Variants in ZNF385D observed in about 807,000 individuals in gnomAD.
ZNF385D encodes zinc finger protein 659.
In ZNF385D, 15 loss-of-function variants were observed where a neutral mutation model predicts 35.8. That is an observed-to-expected ratio of 0.42 (90% CI 0.28 to 0.64). The LOEUF (loss-of-function observed/expected upper bound fraction) is 0.64. Among genes scored for constraint, ZNF385D ranks in the 30% least tolerant of loss-of-function variants. The pLI, the probability that ZNF385D is intolerant of heterozygous loss-of-function variation, is 0.23. For synonymous variants in ZNF385D, 212 were observed against 186.8 expected, an observed-to-expected ratio of 1.13 and a Z score of -1.10; for missense variants, 474 against 494.6, an observed-to-expected ratio of 0.96 and a Z score of 0.39.
chr3:22,227,087 G>A (rs980632986), intron 2 of ZNF385D, among the ~76,000 whole-genome samples: 1 of 151,864 alleles, frequency 6.6e-6, no homozygotes. Context: ...ATCAGATAAG[G>A]TGTCCAGCTA....
chr3:22,204,988 A>AAC (rs1435949061), intron 2 of ZNF385D, among the ~76,000 whole-genome samples: 1 of 151,584 alleles, frequency 6.6e-6, no homozygotes, highest in Non-Finnish European at 1.5e-5. Flanking sequence ...CCAAAAAAAA[A>AAC]AAAAAAAAAA....
At chr3:22,312,623 A>G (rs1559513323) in intron 2 of ZNF385D, among the ~76,000 whole-genome samples, 2 of 152,208 alleles carry the variant, frequency 1.3e-5, no homozygotes, top group Admixed American at 6.5e-5. Context: ...AAAAGAAGAC[A>G]TTTACGGAGC....
chr3:21,784,438 T>C (rs1575644144), intron 3 of ZNF385D, among the ~76,000 whole-genome samples: 1 of 152,144 alleles, frequency 6.6e-6, no homozygotes, highest in African/African-American at 2.4e-5. Flanking sequence ...AATATATAGA[T>C]TTCAGATAAA....
chr3:21,769,638 T>C (rs1279386427), intron 3 of ZNF385D, among the ~76,000 whole-genome samples: 2 of 120,976 alleles, frequency 1.7e-5, no homozygotes, highest in African/African-American at 6.9e-5. Flanking sequence ...GAAGAATCAA[T>C]ATCATGAAAA....
intron 1 of ZNF385D, among the ~76,000 whole-genome samples, chr3:21,713,715 T>C (rs1003028335): frequency 2.6e-5 from 4 of 152,186 alleles, no homozygotes; most frequent in African/African-American, 9.7e-5. Flanking sequence ...ATCTGATCCT[T>C]AGCCTCCTCT....
intron 2 of ZNF385D, among the ~76,000 whole-genome samples, chr3:22,183,976 A>G (rs1206431616): frequency 1.3e-5 from 2 of 152,160 alleles, no homozygotes; most frequent in African/African-American, 4.8e-5. Context: ...GTAGGGTACA[A>G]AACTATGAGT....
At chr3:21,950,589 G>A (rs1442156364) in intron 3 of ZNF385D, among the ~76,000 whole-genome samples, 1 of 151,682 alleles carries the variant, frequency 6.6e-6, no homozygotes, top group African/African-American at 2.4e-5. Flanking sequence ...TGTTGCCATT[G>A]CTCTTGGTGT....
chr3:21,848,264 G>C (rs1255142411), intron 3 of ZNF385D, among the ~76,000 whole-genome samples: 1 of 151,814 alleles, frequency 6.6e-6, no homozygotes, highest in East Asian at 1.9e-4. Context: ...GAAAACTTAG[G>C]TTGTTTCCAC....
chr3:22,091,372 C>T (rs1339122762), intron 3 of ZNF385D, among the ~76,000 whole-genome samples: 1 of 152,114 alleles, frequency 6.6e-6, no homozygotes, highest in African/African-American at 2.4e-5. Flanking sequence ...GGATGGATTC[C>T]CTGATTTCAA....
At chr3:22,050,575 T>C (rs919151851) in intron 3 of ZNF385D, among the ~76,000 whole-genome samples, 37 of 152,330 alleles carry the variant, frequency 2.4e-4, no homozygotes, top group Non-Finnish European at 4.6e-4. Context: ...TTTGGTAGAT[T>C]GTATGTATTG....
intron 2 of ZNF385D, among the ~76,000 whole-genome samples, chr3:22,195,252 C>A (rs1247618295): frequency 6.6e-6 from 1 of 151,766 alleles, no homozygotes; most frequent in Non-Finnish European, 1.5e-5. Flanking sequence ...TTCTTAACTC[C>A]TAGTTCAAAG....
intron 3 of ZNF385D, among the ~76,000 whole-genome samples, chr3:21,930,813 A>G (rs1224940302): frequency 3.3e-5 from 5 of 152,158 alleles, no homozygotes; most frequent in African/African-American, 7.2e-5. Flanking sequence ...TACATATAAA[A>G]TAACTAAAAA....
intron 2 of ZNF385D, among the ~76,000 whole-genome samples, chr3:21,595,643 CTT>C (rs1278017822): frequency 6.6e-6 from 1 of 152,008 alleles, no homozygotes; most frequent in Non-Finnish European, 1.5e-5. Context: ...TAATTTTTCT[CTT>C]CTATCCCAGG....
chr3:22,161,437 G>A (rs902519235), intron 3 of ZNF385D, among the ~76,000 whole-genome samples: 3 of 152,042 alleles, frequency 2.0e-5, no homozygotes, highest in East Asian at 1.9e-4. Flanking sequence ...AAGCTCAATT[G>A]CATCATAAAT....
At position 21,748,094 on chromosome 3, in the gene ZNF385D, A is replaced by T. The variant is rs190931796; in HGVS notation, c.22+2801T>A. Reference sequence around the variant, plus strand: ...TAACAAAAGTGTCCACGGTGACTGAACAGCAAACTCTGAAATCACAGCACA... The same window carrying T: ...TAACAAAAGTGTCCACGGTGACTGATCAGCAAACTCTGAAATCACAGCACA... On this transcript the variant is annotated intron_variant, in intron 1 of 7. Transcript: ENST00000281523. Among the ~76,000 whole-genome samples the T allele has an allele frequency of 4.1e-3, 624 of 152,306 alleles. 2 individuals carry two copies. Among genetic ancestry groups the T allele is most frequent in the Non-Finnish European group, 7.2e-3 (488 of 68,036 alleles).
chr3:21,531,855 G>A (rs751611666), intron 3 of ZNF385D, among the ~76,000 whole-genome samples: 1 of 152,126 alleles, frequency 6.6e-6, no homozygotes, highest in Non-Finnish European at 1.5e-5. Flanking sequence ...TAGAATATAC[G>A]ACACCAATTA....
At chr3:21,777,008 T>C (rs2071314681) in intron 3 of ZNF385D, among the ~76,000 whole-genome samples, 1 of 151,942 alleles carries the variant, frequency 6.6e-6, no homozygotes, top group Non-Finnish European at 1.5e-5. Context: ...TTTCTAACTT[T>C]CTCTTGGCCC....
rs1337263298 is a variant in ZNF385D, at chr3:22,195,051, T to C, written c.107-26016A>G. Among the ~76,000 whole-genome samples the C allele has an allele frequency of 3.3e-5, 5 of 151,800 alleles. No individual in the cohort carries two copies. In the East Asian group the frequency reaches 5.8e-4, roughly 18 times the overall value. On this transcript the variant is annotated intron_variant, in intron 2 of 5. Transcript: ENST00000494108. ...CTTTATAAGAAACTGCAAATTATTTTCCCCCCAAGAAAGTATTATTTTGAA... is the reference window on the plus strand; with the variant it reads ...CTTTATAAGAAACTGCAAATTATTTCCCCCCCAAGAAAGTATTATTTTGAA...
chr3:22,316,910 A>AC (rs1277355448), intron 2 of ZNF385D, among the ~76,000 whole-genome samples: 3 of 151,896 alleles, frequency 2.0e-5, no homozygotes, highest in Non-Finnish European at 4.4e-5. Flanking sequence ...CTTGCCTCCT[A>AC]CCCTTCACCA....
Sources: allele counts gnomAD v4.1 joint callset (sites outside exome capture counted in the v4.1 genomes callset), GRCh38; gene constraint gnomAD v4.1.1; transcripts MANE v1.5; gene names NCBI Gene and HGNC (gene_info 2026-07-23, HGNC 2026-07-21).